Variants in NOTCH2 observed in about 807,000 individuals in gnomAD.
NOTCH2 encodes notch receptor 2.
A neutral mutation model predicts 235.8 loss-of-function variants in NOTCH2; 29 were observed. The observed-to-expected ratio is 0.12, with a 90% CI of 0.09 to 0.17. The LOEUF is 0.17. Among genes scored for constraint, NOTCH2 ranks in the 10% least tolerant of loss-of-function variants. The pLI, the probability that NOTCH2 is intolerant of heterozygous loss-of-function variation, is 1.00. For synonymous variants in NOTCH2, 1,086 were observed against 1,141.5 expected (o/e 0.95, Z 0.98); for missense variants, 2,285 against 3,150.2 (o/e 0.73, Z 6.57).
chr1:119,921,940 G>A (rs1649297529), intron 28 of NOTCH2, 131 bp from the exon 29 acceptor site: 2 of 817,434 alleles, frequency 2.4e-6, no homozygotes, highest in South Asian at 3.0e-5. Context: ...CAGAGAAGAT[G>A]GGCAGTATTT....
intron 2 of NOTCH2, among the ~76,000 whole-genome samples, chr1:120,014,053 T>C (rs1271587301): frequency 6.7e-6 from 1 of 148,430 alleles, no homozygotes; most frequent in Admixed American, 6.6e-5. Flanking sequence ...GTTTTCCTCC[T>C]GTAGGGAGTT....
chr1:119,922,199 A>C (rs756917992), intron 28 of NOTCH2, 37 bp downstream of exon 28: 2 of 1,591,550 alleles, frequency 1.3e-6, no homozygotes, highest in South Asian at 2.2e-5. Flanking sequence ...ATCCCTACTT[A>C]TACTGTGAAT....
chr1:119,957,527 A>G (rs1650750931), intron 12 of NOTCH2, among the ~76,000 whole-genome samples: 1 of 152,168 alleles, frequency 6.6e-6, no homozygotes, highest in South Asian at 2.1e-4. Flanking sequence ...AAGAGCAAGA[A>G]TAAAACTCCT....
intron 5 of NOTCH2, among the ~76,000 whole-genome samples, chr1:119,983,769 G>A (rs1651906368): frequency 1.3e-5 from 2 of 152,134 alleles, no homozygotes; most frequent in Non-Finnish European, 2.9e-5. Context: ...TGTAGAACTT[G>A]CTACAAAACA....
chr1:119,970,346 T>C (rs1241938183), intron 5 of NOTCH2, among the ~76,000 whole-genome samples: 1 of 152,034 alleles, frequency 6.6e-6, no homozygotes, highest in Non-Finnish European at 1.5e-5. Context: ...GCAAGCAACA[T>C]AGGGTACAGA....
At chr1:120,000,511 C>T (rs79129676) in intron 3 of NOTCH2, among the ~76,000 whole-genome samples, 10 of 123,418 alleles carry the variant, frequency 8.1e-5, no homozygotes, top group East Asian at 6.6e-4. Flanking sequence ...CCAGCCTGGA[C>T]GACAAAGCAA....
Position 119,923,887 on chromosome 1 carries a change from C to G in NOTCH2, c.4609G>C (p.Asp1537His). The G allele has an allele frequency of 6.2e-7, 1 of 1,614,170 alleles. No homozygotes were observed. The highest frequency in any genetic ancestry group is 1.1e-5 in the South Asian group (1 of 91,068). ...CGWDGLDCAA[D>H]QPENLAEGTL... ...CCTTCTGCCAGGTTCTCAGGTTGGTCAGCAGCACAGTCCAGCCCATCCCAA... is the reference window on the plus strand; with the variant it reads ...CCTTCTGCCAGGTTCTCAGGTTGGTGAGCAGCACAGTCCAGCCCATCCCAA... Residue 1537 changes from aspartate to histidine, a missense_variant, in exon 26 of 34, where the codon GAC becomes CAC. Asp to His is a moderately conservative substitution (Grantham distance 81). Transcript: ENST00000256646.
chr1:119,981,245 C>T (rs1477099126), intron 5 of NOTCH2, among the ~76,000 whole-genome samples: 5 of 149,050 alleles, frequency 3.4e-5, no homozygotes, highest in Admixed American at 6.7e-5. Flanking sequence ...TTCCTTACCC[C>T]ACCAAGTACT....
chr1:120,063,606 G>A (rs1655396542), intron 1 of NOTCH2, among the ~76,000 whole-genome samples: 1 of 152,148 alleles, frequency 6.6e-6, no homozygotes, highest in Non-Finnish European at 1.5e-5. Context: ...ACTAAGTGAG[G>A]CCAGCAAGTA....
At chr1:119,953,435 T>C (rs781788682) in intron 14 of NOTCH2, 108 bp downstream of exon 14, 1 of 1,207,590 alleles carries the variant, frequency 8.3e-7, no homozygotes, top group Non-Finnish European at 1.2e-6. Flanking sequence ...AATATGTTTG[T>C]TACACGAATG....
At position 119,923,987 on chromosome 1, in the gene NOTCH2, A is replaced by C. The variant is rs754385929; in HGVS notation, c.4512-3T>G. 17 of 1,610,612 alleles carry C rather than the reference A, an allele frequency of 1.1e-5. No homozygotes were observed. The highest frequency in any genetic ancestry group is 1.7e-4 in the Middle Eastern group (1 of 6,056). On this transcript the variant is annotated splice_region_variant and splice_polypyrimidine_tract_variant and intron_variant, in intron 25 of 33. Coordinates refer to ENST00000256646, the MANE Select transcript of NOTCH2 (RefSeq NM_024408.4). ...GGTCTGCACAGTATTTGTCATACCT[A>C]GGTAAGGGGAAGCAGAGAACAGGCA...
chr1:119,943,930 G>GA (rs1224583452), intron 17 of NOTCH2, among the ~76,000 whole-genome samples: 6 of 152,040 alleles, frequency 3.9e-5, no homozygotes, highest in African/African-American at 1.4e-4. Flanking sequence ...ATATCTGAGG[G>GA]AAAAATATAC....
chr1:119,944,911 G>A (rs1418546355), intron 17 of NOTCH2, among the ~76,000 whole-genome samples: 1 of 151,962 alleles, frequency 6.6e-6, no homozygotes, highest in Non-Finnish European at 1.5e-5. Flanking sequence ...GATACCTGAT[G>A]GAAACACAAA....
intron 17 of NOTCH2, among the ~76,000 whole-genome samples, chr1:119,945,688 A>C (rs1650228471): frequency 6.6e-6 from 1 of 152,120 alleles, no homozygotes; most frequent in African/African-American, 2.4e-5. Context: ...ATGTTTATGC[A>C]CTTAAGATTA....
chr1:119,912,396 T>C lies in NOTCH2; in HGVS notation c.*2910A>G, dbSNP rs1418249190. ...ACCTCTCAACAAAACATTACACCTTTGGTTCTTTATTATGCAAAAATTACA... is the reference window on the plus strand; with the variant it reads ...ACCTCTCAACAAAACATTACACCTTCGGTTCTTTATTATGCAAAAATTACA... On this transcript the variant is annotated 3_prime_UTR_variant, in exon 34 of 34. Transcript: ENST00000256646. 5 of 233,288 alleles carry C rather than the reference T, an allele frequency of 2.1e-5. No homozygotes were observed. Among genetic ancestry groups the C allele is most frequent in the Non-Finnish European group, 3.4e-5 (4 of 117,914 alleles). The allele number at this position is 233,288 out of a possible 1,614,324, so 14.5% of individuals were successfully genotyped here.
chr1:119,969,043 T>C (rs1557826464), intron 6 of NOTCH2, among the ~76,000 whole-genome samples: 1 of 152,242 alleles, frequency 6.6e-6, no homozygotes, highest in African/African-American at 2.4e-5. Flanking sequence ...GTTAACTTTG[T>C]AGCATGTAAA....
At chr1:119,918,283 G>C in intron 32 of NOTCH2, 123 bp downstream of exon 32, 3 of 1,084,148 alleles carry the variant, frequency 2.8e-6, no homozygotes, top group Non-Finnish European at 2.8e-6. Context: ...ATGAATGAAA[G>C]AATGAGTGAA....
At chr1:119,947,018 A>G (rs1463427065) in intron 17 of NOTCH2, among the ~76,000 whole-genome samples, 1 of 152,148 alleles carries the variant, frequency 6.6e-6, no homozygotes, top group Non-Finnish European at 1.5e-5. Flanking sequence ...AAGTCACACA[A>G]TATGTAAAAA....
intron 15 of NOTCH2, chr1:119,950,219 A>AC: frequency 5.7e-6 from 2 of 348,256 alleles, no homozygotes; most frequent in East Asian, 1.5e-4. Flanking sequence ...TAGATGTACT[A>AC]CTTACCTATA....
Sources: allele counts gnomAD v4.1 joint callset (sites outside exome capture counted in the v4.1 genomes callset), GRCh38; gene constraint gnomAD v4.1.1; transcripts MANE v1.5; gene names NCBI Gene and HGNC (gene_info 2026-07-23, HGNC 2026-07-21).